BRWD1: variants seen among roughly 807,000 people sequenced by gnomAD.
The protein encoded by BRWD1 is bromodomain and WD repeat domain containing 1.
In BRWD1, 82 loss-of-function variants were observed where a neutral mutation model predicts 251.2. That is an observed-to-expected ratio of 0.33 (90% confidence interval 0.27 to 0.39). The LOEUF (loss-of-function observed/expected upper bound fraction) is 0.39. Among genes scored for constraint, BRWD1 ranks in the 10% least tolerant of loss-of-function variants. The pLI is 1.00. For synonymous variants in BRWD1, 918 were observed against 902.8 expected, an observed-to-expected ratio of 1.02 and a Z score of -0.30; for missense variants, 2,233 against 2,711.6, an observed-to-expected ratio of 0.82 and a Z score of 3.92.
At position 39,264,874 on chromosome 21, in the gene BRWD1, A is replaced by C; in HGVS notation, c.1659+17T>G. 1 of 1,607,470 alleles carries C rather than the reference A, an allele frequency of 6.2e-7. No individual in the cohort carries two copies. The highest frequency in any genetic ancestry group is 8.5e-7 in the Non-Finnish European group (1 of 1,178,158). On this transcript the variant is annotated intron_variant, in intron 16 of 40. Transcript: ENST00000342449. The stretch of plus-strand genomic sequence containing the variant: ...ATAACTATTACTTGCATGCTACAAC[A>C]AAGTATTAAAAATGACCTTTTCATA...
At chr21:39,266,309 T>C (rs1046543326) in intron 15 of BRWD1, among the ~76,000 whole-genome samples, 1 of 152,104 alleles carries the variant, frequency 6.6e-6, no homozygotes, top group African/African-American at 2.4e-5. Flanking sequence ...TGTGTATATA[T>C]ATTATATATT....
At position 39,197,120 on chromosome 21, in the gene BRWD1, T is replaced by A; in HGVS notation, c.5949A>T (p.Val1983=). Residue 1983 remains valine (V), a synonymous_variant, in exon 41 of 41, where the codon GTA becomes GTT. Coordinates refer to ENST00000342449, the MANE Select transcript of BRWD1 (RefSeq NM_033656.4). ...ACTGTTCACTTGGTACTTCACAATG[T>A]ACACTTCCTTCACAATCACTCAATT... ...KKKLSDCEGS[V]HCEVPSEQYA... The A allele has an allele frequency of 6.8e-6, 11 of 1,614,166 alleles. No homozygotes were observed. The highest frequency in any genetic ancestry group is 9.3e-6 in the Non-Finnish European group (11 of 1,179,980).
intron 4 of BRWD1, among the ~76,000 whole-genome samples, chr21:39,303,194 CAAAAGAATAAT>C (rs894938855): frequency 9.9e-5 from 15 of 151,932 alleles, no homozygotes; most frequent in African/African-American, 2.7e-4. Context: ...GGGAAACCAC[CAAAAGAATAAT>C]AAAAGGATAT....
At chr21:39,199,934 T>TA (rs1413188562) in intron 39 of BRWD1, among the ~76,000 whole-genome samples, 1 of 152,144 alleles carries the variant, frequency 6.6e-6, no homozygotes, top group Non-Finnish European at 1.5e-5. Flanking sequence ...GTATTTTTAG[T>TA]AGAGACAAGG....
At position 39,313,053 on chromosome 21, in the gene BRWD1, G is replaced by A. The variant is rs1407803124; in HGVS notation, c.138+19C>T. 12 of 1,392,804 alleles carry A rather than the reference G, an allele frequency of 8.6e-6. No homozygotes were observed. The East Asian group carries it at 3.1e-4, about 36-fold the overall frequency. 86.3% of individuals were successfully genotyped at this position (1,392,804 alleles called of 1,614,324 possible). On this transcript the variant is annotated intron_variant, in intron 3 of 40. Transcript: ENST00000342449. Reference sequence around the variant, plus strand: ...GGCAGGAGGAACCCGAGGGAGCGCGGGGACGGGCGCGCACAGACCTGGTAC... The same window carrying A: ...GGCAGGAGGAACCCGAGGGAGCGCGAGGACGGGCGCGCACAGACCTGGTAC...
At chr21:39,225,396 T>C (rs2033342356) in intron 27 of BRWD1, among the ~76,000 whole-genome samples, 199 bp from the exon 28 acceptor site, 1 of 152,198 alleles carries the variant, frequency 6.6e-6, no homozygotes, top group Non-Finnish European at 1.5e-5. Context: ...TCTAGATGTA[T>C]TTTACAACTC....
intron 19 of BRWD1, 57 bp downstream of exon 19, chr21:39,255,588 C>G (rs1375355069): frequency 7.2e-7 from 1 of 1,397,814 alleles, no homozygotes; most frequent in African/African-American, 1.4e-5. Context: ...GTGTAAATAA[C>G]CATATAAATA....
At chr21:39,252,021 C>A (rs1049940114) in intron 19 of BRWD1, among the ~76,000 whole-genome samples, 3 of 152,004 alleles carry the variant, frequency 2.0e-5, no homozygotes, top group Non-Finnish European at 4.4e-5. Flanking sequence ...AATCCCAGCA[C>A]TTTAGGAGGC....
Position 39,189,212 on chromosome 21 carries a change from T to C in BRWD1, c.*7047A>G, listed in dbSNP as rs771562347. ...TGCACTTTATAGTAGGATGAGAATA[T>C]ACTATTATCAACTAGCTGCACCATT... On this transcript the variant is annotated 3_prime_UTR_variant, in exon 41 of 41. Coordinates refer to ENST00000342449, the MANE Select transcript of BRWD1 (RefSeq NM_033656.4). 6 of 984,986 alleles carry C rather than the reference T, an allele frequency of 6.1e-6. No individual in the cohort carries two copies. The highest frequency in any genetic ancestry group is 6.2e-5 in the Admixed American group (1 of 16,256). The allele number at this position is 984,986 out of a possible 1,614,324, so 61.0% of individuals were successfully genotyped here.
intron 19 of BRWD1, among the ~76,000 whole-genome samples, chr21:39,253,419 G>A (rs574810504): frequency 4.6e-5 from 7 of 151,734 alleles, no homozygotes; most frequent in East Asian, 1.9e-4. Flanking sequence ...GTCTTCCTTC[G>A]GATAAGAAAA....
chr21:39,272,608 CTTT>C (rs777403730), intron 13 of BRWD1, among the ~76,000 whole-genome samples: 4 of 131,848 alleles, frequency 3.0e-5, no homozygotes, highest in Admixed American at 1.5e-4. Context: ...AATAACATTG[CTTT>C]TTTTTTTTTT....
At chr21:39,311,252 C>T (rs201299493) in intron 4 of BRWD1, among the ~76,000 whole-genome samples, 148 of 152,184 alleles carry the variant, frequency 9.7e-4, no homozygotes, top group African/African-American at 3.3e-3. Flanking sequence ...AATGCAGCCT[C>T]AAACTCCCAG....
Position 39,313,552 on chromosome 21 carries a change from A to C in BRWD1, c.-61T>G, listed in dbSNP as rs2036595382. 7.9e-7 allele frequency: 1 copy of C among 1,258,068 alleles called. No individual in the cohort carries two copies. The highest frequency in any genetic ancestry group is 1.0e-6 in the Non-Finnish European group (1 of 996,356). The allele number at this position is 1,258,068 out of a possible 1,614,324, so 77.9% of individuals were successfully genotyped here. ...CGAGCGGAGCGTGTAGGCCGCGCCG[A>C]GGCCTGACCGGGCTGGCGTCCCCTC... On this transcript the variant is annotated 5_prime_UTR_variant, in exon 1 of 41. Coordinates refer to ENST00000342449, the MANE Select transcript of BRWD1 (RefSeq NM_033656.4).
rs141162913 is a variant in BRWD1, at chr21:39,289,381, C to G, written c.831+4430G>C. 1.4e-3 allele frequency among the ~76,000 whole-genome samples: 213 copies of G among 152,302 alleles called. 2 individuals carry two copies. Among genetic ancestry groups the G allele is most frequent in the African/African-American group, 5.0e-3 (206 of 41,578 alleles). On this transcript the variant is annotated intron_variant, in intron 8 of 40. Coordinates refer to ENST00000342449, the MANE Select transcript of BRWD1 (RefSeq NM_033656.4). ...CCTCCTGATACACACACTATTCATT[C>G]TTTAATTCCATATGTATTTTGAAGC...
Position 39,192,839 on chromosome 21 carries a change from A to G in BRWD1, c.*3420T>C. 3.0e-6 allele frequency: 3 copies of G among 984,888 alleles called. No individual in the cohort carries two copies. The highest frequency in any genetic ancestry group is 3.6e-6 in the Non-Finnish European group (3 of 829,532). The allele number at this position is 984,888 out of a possible 1,614,324, so 61.0% of individuals were successfully genotyped here. On this transcript the variant is annotated 3_prime_UTR_variant, in exon 41 of 41. Transcript: ENST00000342449. ...CTCTGGGGTTTCAGTTGGCACAATC[A>G]AGTTCAACTTGTACTAACAGAAAAT... is the stretch of plus-strand genomic sequence containing the variant.
chr21:39,186,023 C>A lies in BRWD1; in HGVS notation c.*10236G>T, dbSNP rs903188134. 1 of 152,122 alleles carries A rather than the reference C, an allele frequency of 6.6e-6. No homozygotes were observed. Among genetic ancestry groups the A allele is most frequent in the African/African-American group, 2.4e-5 (1 of 41,432 alleles). The allele number at this position is 152,122 out of a possible 1,614,324, so 9.4% of individuals were successfully genotyped here. On this transcript the variant is annotated 3_prime_UTR_variant, in exon 41 of 41. Coordinates refer to ENST00000342449, the MANE Select transcript of BRWD1 (RefSeq NM_033656.4). ...CTAGTACAGGCCACAATGAAATAGG[C>A]CAAACATGCTACCATTAAAGTTTGT...
chr21:39,290,325 T>C (rs1473790347), intron 8 of BRWD1, among the ~76,000 whole-genome samples: 7 of 149,866 alleles, frequency 4.7e-5, no homozygotes, highest in Non-Finnish European at 3.0e-5. Flanking sequence ...CCATCTCTAC[T>C]AAAAATACAA....
intron 19 of BRWD1, 144 bp from the exon 20 acceptor site, chr21:39,251,033 A>G: frequency 3.5e-6 from 2 of 576,150 alleles, no homozygotes; most frequent in Non-Finnish European, 5.9e-6. Flanking sequence ...AAAACATGTT[A>G]AAAATTTATA....
At chr21:39,310,614 ATTAT>A (rs1443589274) in intron 4 of BRWD1, among the ~76,000 whole-genome samples, 2 of 151,368 alleles carry the variant, frequency 1.3e-5, no homozygotes, top group Non-Finnish European at 2.9e-5. Flanking sequence ...AAAAAAAAAA[ATTAT>A]TATTATTCAA....
Sources: gnomAD v4.1 joint callset for allele counts (sites outside exome capture counted in the v4.1 genomes callset) on GRCh38, gnomAD v4.1.1 for gene constraint, MANE v1.5 for transcripts, NCBI Gene and HGNC (gene_info 2026-07-23, HGNC 2026-07-21) for gene names.